The following PRPF8 variants were observed in gnomAD, a reference collection of about 807,000 sequenced individuals.
PRPF8 encodes pre-mRNA processing factor 8.
A neutral mutation model predicts 285.9 loss-of-function variants in PRPF8; 64 were observed. The ratio of observed to expected loss-of-function variants is 0.22; its 90% CI spans 0.18 to 0.28. The LOEUF (loss-of-function observed/expected upper bound fraction) is 0.28, where lower values mean the gene tolerates loss of function less well. Ranked by LOEUF, PRPF8 falls within the 10% of genes least tolerant of loss-of-function variation. PRPF8 has a pLI of 1.00. For missense variants in PRPF8, 1,426 were observed against 3,026.7 expected (o/e 0.47, Z 12.41); for synonymous variants, 1,325 against 1,118.2 (o/e 1.18, Z -3.69).
In PRPF8 at chr17:1,650,980, A is replaced by G. The variant is rs754592285; in HGVS notation, c.6854-24T>C. 76 of 1,614,020 alleles carry G rather than the reference A, an allele frequency of 4.7e-5. No homozygotes were observed. In the East Asian group the frequency reaches 9.8e-4, roughly 21 times the overall value. On this transcript the variant is annotated intron_variant, in intron 42 of 42. Transcript: ENST00000304992. ...ACCTTCGGGGAGAAGGAAACAGCCAATGTTAACAGGGCTCCTGCCTCATGC... is the reference window on the plus strand; with the variant it reads ...ACCTTCGGGGAGAAGGAAACAGCCAGTGTTAACAGGGCTCCTGCCTCATGC...
At chr17:1,674,146 C>G (rs544463125) in intron 21 of PRPF8, among the ~76,000 whole-genome samples, 1 of 152,212 alleles carries the variant, frequency 6.6e-6, no homozygotes, top group African/African-American at 2.4e-5. Context: ...CCTCAGCCTC[C>G]GGAGTAGCTG....
Position 1,651,972 on chromosome 17 carries a change from C to A in PRPF8, c.6370-184G>T. ...AAAATGTTAGACATGGACCTCATCG[C>A]GGACTTACCACATCAGAATCTCCTG... On this transcript the variant is annotated intron_variant, in intron 39 of 42. Coordinates refer to ENST00000304992, the MANE Select transcript of PRPF8 (RefSeq NM_006445.4). This position sits in a 1 kb window ranked among gnomAD's most constrained non-coding sequence, Gnocchi z 5.1. 1.3e-6 allele frequency: 1 copy of A among 742,346 alleles called. No individual in the cohort carries two copies. 46.0% of individuals were successfully genotyped at this position (742,346 alleles called of 1,614,324 possible).
chr17:1,655,021 T>C, intron 37 of PRPF8: 1 of 320,412 alleles, frequency 3.1e-6, no homozygotes. Context: ...TGCAGTGGCA[T>C]GATCTCGGCT....
chr17:1,663,080 T>TA (rs537615047), intron 24 of PRPF8, among the ~76,000 whole-genome samples: 2 of 152,140 alleles, frequency 1.3e-5, no homozygotes, highest in East Asian at 1.9e-4. Context: ...GAGTGGAACT[T>TA]AAAGTGTATT....
Position 1,660,114 on chromosome 17 carries a change from G to A in PRPF8, c.4786-113C>T, listed in dbSNP as rs1422155513. ...GTCTCATCCTCAGAGCTTCCAGGGT[G>A]GATTTCCCATATGCAAAAGAGCAAG... is the stretch of plus-strand genomic sequence containing the variant. On this transcript the variant is annotated intron_variant, in intron 30 of 42. Coordinates refer to ENST00000304992, the MANE Select transcript of PRPF8 (RefSeq NM_006445.4). 5 of 1,301,670 alleles carry A rather than the reference G, an allele frequency of 3.8e-6. No homozygotes were observed. The African/African-American group carries it at 4.4e-5, about 11-fold the overall frequency. The allele number at this position is 1,301,670 out of a possible 1,614,324, so 80.6% of individuals were successfully genotyped here.
chr17:1,680,485 G>A (rs1252442317), intron 8 of PRPF8: 7 of 595,812 alleles, frequency 1.2e-5, no homozygotes, highest in African/African-American at 1.9e-5. Flanking sequence ...GACCGGGACA[G>A]ATTATCTAGA....
chr17:1,675,242 C>T lies in PRPF8; in HGVS notation c.2970G>A (p.Leu990=). The T allele has an allele frequency of 1.2e-6, 2 of 1,614,174 alleles. No homozygotes were observed. The highest frequency in any genetic ancestry group is 1.7e-6 in the Non-Finnish European group (2 of 1,180,044). The part of the protein sequence containing the change: ...RFEKMYEKID[L]TLLNRLLRLI... The stretch of plus-strand genomic sequence containing the variant: ...GGCGCAGCAGCCTGTTGAGCAGAGT[C>T]AAGTCGATCTTCTCATACATCTTCT... Residue 990 remains leucine (L), a synonymous_variant, in exon 20 of 43, where the codon TTG becomes TTA. Coordinates refer to ENST00000304992, the MANE Select transcript of PRPF8 (RefSeq NM_006445.4). This position sits in a 1 kb window ranked among gnomAD's most constrained non-coding sequence, Gnocchi z 6.0.
At chr17:1,660,850 G>A (rs1911644488) in intron 28 of PRPF8, 23 bp from the exon 29 acceptor site, 5 of 1,613,374 alleles carry the variant, frequency 3.1e-6, no homozygotes, top group South Asian at 2.2e-5. Flanking sequence ...AGAAGCAGGT[G>A]AGGTGATATC....
At chr17:1,660,622 G>A (rs767042276) in intron 29 of PRPF8, 44 bp from the exon 30 acceptor site, 19 of 1,613,978 alleles carry the variant, frequency 1.2e-5, no homozygotes, top group South Asian at 2.2e-5. Context: ...CAAGAGACTC[G>A]GGCGCTCACG....
In PRPF8 at chr17:1,679,664, T is replaced by G. The variant is rs1368406237; in HGVS notation, c.1234A>C (p.Asn412His). 6.2e-7 allele frequency: 1 copy of G among 1,613,920 alleles called. No individual in the cohort carries two copies. The highest frequency in any genetic ancestry group is 8.5e-7 in the Non-Finnish European group (1 of 1,180,008). Reference sequence around the variant, plus strand: ...CGACGGGTGCGACCAGAGCGTAGGTTGAAGGGCCGCGGGGCCCAGAGCAGG... The same window carrying G: ...CGACGGGTGCGACCAGAGCGTAGGTGGAAGGGCCGCGGGGCCCAGAGCAGG... ...IALLWAPRPF[N>H]LRSGRTRRAL... Residue 412 changes from asparagine to histidine, a missense_variant, in exon 9 of 43, where the codon AAC (asparagine) becomes CAC (histidine). This residue lies in a region of PRPF8 where 137 missense variants were observed against 161.2 expected (regional missense o/e 0.85). Transcript: ENST00000304992. The surrounding 1 kb of genome is among the most constrained non-coding windows in gnomAD (Gnocchi z 4.7).
In PRPF8 at chr17:1,680,912, T is replaced by A. The variant is rs779210380; in HGVS notation, c.992+17A>T. ...GCAGCCTTCTCCTTTCCAAATGTTG[T>A]GTTCCAGGTCTCTTACCAGGTGAGG... On this transcript the variant is annotated intron_variant, in intron 7 of 42. Transcript: ENST00000304992. 1.2e-6 allele frequency: 2 copies of A among 1,614,172 alleles called. No individual in the cohort carries two copies. Among genetic ancestry groups the A allele is most frequent in the Admixed American group, 3.3e-5 (2 of 60,020 alleles).
intron 8 of PRPF8, chr17:1,680,386 T>A (rs1024656403): frequency 2.5e-6 from 1 of 396,774 alleles, no homozygotes. Flanking sequence ...CTAAAAACCA[T>A]CAAATTACAC....
At chr17:1,656,254 A>G (rs1306118536) in intron 36 of PRPF8, 138 bp downstream of exon 36, 18 of 1,154,180 alleles carry the variant, frequency 1.6e-5, no homozygotes, top group Non-Finnish European at 2.1e-5. Flanking sequence ...TAAGGTCTTA[A>G]ACTCTCATGA....
chr17:1,677,211 TC>T, intron 14 of PRPF8, 39 bp from the exon 15 acceptor site: 1 of 1,589,510 alleles, frequency 6.3e-7, no homozygotes. Context: ...CAAGGAAGAT[TC>T]CTTGCTTTCA....
chr17:1,665,946 G>C (rs2151119732), intron 24 of PRPF8, among the ~76,000 whole-genome samples: 1 of 151,552 alleles, frequency 6.6e-6, no homozygotes, highest in African/African-American at 2.4e-5. Flanking sequence ...TGATCAGGTG[G>C]TGGTCAGGAG....
intron 24 of PRPF8, among the ~76,000 whole-genome samples, chr17:1,666,321 G>C: frequency 6.6e-6 from 1 of 152,042 alleles, no homozygotes; most frequent in Non-Finnish European, 1.5e-5. Flanking sequence ...AGCCCAGGGG[G>C]GTGGATTACC....
In PRPF8 at chr17:1,654,239, T is replaced by G. The variant is rs1348766682; in HGVS notation, c.5988-223A>C. ...ACACTGCGTGTGCACCTTCCCACTGTTTAGCATCCATAAACCCTACGCTTC... is the reference window on the plus strand; with the variant it reads ...ACACTGCGTGTGCACCTTCCCACTGGTTAGCATCCATAAACCCTACGCTTC... On this transcript the variant is annotated intron_variant, in intron 37 of 42. Coordinates refer to ENST00000304992, the MANE Select transcript of PRPF8 (RefSeq NM_006445.4). The G allele has an allele frequency of 4.5e-6, 3 of 664,942 alleles. No homozygotes were observed. In the East Asian group the frequency reaches 8.1e-5, roughly 18 times the overall value. The allele number at this position is 664,942 out of a possible 1,614,324, so 41.2% of individuals were successfully genotyped here. A position where few individuals can be genotyped will look rare whatever the true frequency, so the allele number is the denominator to read the frequency against.
chr17:1,664,882 G>A (rs1911870588), intron 24 of PRPF8, among the ~76,000 whole-genome samples: 1 of 152,234 alleles, frequency 6.6e-6, no homozygotes, highest in South Asian at 2.1e-4. Flanking sequence ...ATGGGGCCGG[G>A]CACGATGGCT....
chr17:1,669,396 T>C (rs1340879662), intron 24 of PRPF8, among the ~76,000 whole-genome samples: 2 of 152,212 alleles, frequency 1.3e-5, no homozygotes, highest in East Asian at 3.9e-4. Context: ...TGAGCCACTG[T>C]GTCCAGCCAA....
Sources: gnomAD v4.1 joint callset for allele counts (sites outside exome capture counted in the v4.1 genomes callset) on GRCh38, gnomAD v4.1.1 for gene constraint, gnomAD v4.1.1 regional missense constraint, Gnocchi (gnomAD v3.1) non-coding constraint, MANE v1.5 for transcripts, NCBI Gene and HGNC (gene_info 2026-07-23, HGNC 2026-07-21) for gene names.